The following COL4A2 variants were observed in gnomAD, a reference collection of about 807,000 sequenced individuals.
COL4A2 encodes collagen alpha-2(IV) chain.
In COL4A2, 99 loss-of-function variants were observed where a neutral mutation model predicts 200.2. That is an observed-to-expected ratio of 0.49 (90% CI 0.42 to 0.58). COL4A2 has a LOEUF of 0.58. Ranked by LOEUF, COL4A2 falls within the 20% of genes least tolerant of loss-of-function variation. The pLI is 0.00. For missense variants in COL4A2, 1,950 were observed against 2,314.1 expected, an observed-to-expected ratio of 0.84 and a Z score of 3.23; for synonymous variants, 897 against 900.6, an observed-to-expected ratio of 1.00 and a Z score of 0.07.
intron 4 of COL4A2, among the ~76,000 whole-genome samples, chr13:110,377,558 A>G (rs1194791649): frequency 1.3e-5 from 2 of 152,284 alleles, no homozygotes; most frequent in African/African-American, 4.8e-5. Context: ...TGGGCTTTCC[A>G]TGGGGAATCA....
intron 47 of COL4A2, among the ~76,000 whole-genome samples, chr13:110,510,508 C>CA (rs11428595): frequency 0.97 from 148,322 of 152,334 alleles, 72,321 homozygotes; most frequent in East Asian, 1. Context: ...CTATGAGTAC[C>CA]AAGCCAGAGG....
intron 4 of COL4A2, among the ~76,000 whole-genome samples, chr13:110,391,136 T>G (rs2139422124): frequency 6.6e-6 from 1 of 152,386 alleles, no homozygotes; most frequent in Non-Finnish European, 1.5e-5. Context: ...TCTTTGGTTT[T>G]GTTTCTAGAA....
intron 4 of COL4A2, among the ~76,000 whole-genome samples, chr13:110,404,992 G>A (rs186521834): frequency 3.8e-4 from 58 of 152,340 alleles, no homozygotes; most frequent in African/African-American, 1.1e-3. Flanking sequence ...GTGCATGCCT[G>A]TAGTCTCAGC....
chr13:110,464,860 T>TC (rs1339490868), intron 24 of COL4A2, among the ~76,000 whole-genome samples: 2 of 150,880 alleles, frequency 1.3e-5, no homozygotes, highest in East Asian at 1.9e-4. Flanking sequence ...TCCCACCAGC[T>TC]CCCCCCCGCA....
intron 4 of COL4A2, among the ~76,000 whole-genome samples, chr13:110,407,132 A>T (rs917883142): frequency 5.9e-5 from 9 of 152,314 alleles, no homozygotes; most frequent in African/African-American, 1.9e-4. Flanking sequence ...CAAATAATTG[A>T]TATTTACTTG....
intron 33 of COL4A2, 33 bp downstream of exon 33, chr13:110,485,060 A>T: frequency 1.3e-6 from 2 of 1,539,462 alleles, no homozygotes; most frequent in Non-Finnish European, 1.8e-6. Context: ...AGGGGCCCCT[A>T]GTCCCTGCCG....
intron 3 of COL4A2, among the ~76,000 whole-genome samples, chr13:110,350,065 A>G (rs969600249): frequency 6.6e-6 from 1 of 152,172 alleles, no homozygotes; most frequent in African/African-American, 2.4e-5. Flanking sequence ...ACCCAGCCCA[A>G]TTTCCACATC....
At chr13:110,469,976 A>ACG (rs1465718620) in intron 28 of COL4A2, among the ~76,000 whole-genome samples, 3 of 136,260 alleles carry the variant, frequency 2.2e-5, no homozygotes, top group Non-Finnish European at 4.6e-5. Context: ...GTGCAGTGGC[A>ACG]CAATCTCAGC....
chr13:110,326,132 C>T (rs1248417462), intron 3 of COL4A2, among the ~76,000 whole-genome samples: 1 of 152,162 alleles, frequency 6.6e-6, no homozygotes, highest in Non-Finnish European at 1.5e-5. Flanking sequence ...ATGGCACCTG[C>T]CCTTCGCCCA....
chr13:110,504,124 T>C (rs1333440506), intron 44 of COL4A2, 24 bp from the exon 45 acceptor site: 8 of 1,610,354 alleles, frequency 5.0e-6, no homozygotes, highest in South Asian at 1.1e-5. Context: ...TTTCCAGCCA[T>C]AACGCTTCTT....
chr13:110,370,226 G>A (rs1566497327), intron 4 of COL4A2, among the ~76,000 whole-genome samples: 1 of 145,408 alleles, frequency 6.9e-6, no homozygotes, highest in Non-Finnish European at 1.5e-5. Flanking sequence ...AAAAAAACAA[G>A]GGTTTTTTTT....
At chr13:110,332,943 T>C (rs1225984303) in intron 3 of COL4A2, among the ~76,000 whole-genome samples, 1 of 152,204 alleles carries the variant, frequency 6.6e-6, no homozygotes, top group African/African-American at 2.4e-5. Flanking sequence ...GCTATGTAAG[T>C]TGTATCTCTG....
At chr13:110,386,982 GTAA>G (rs1438238844) in intron 4 of COL4A2, among the ~76,000 whole-genome samples, 1 of 152,196 alleles carries the variant, frequency 6.6e-6, no homozygotes, top group Non-Finnish European at 1.5e-5. Context: ...GCTCATACCT[GTAA>G]TCCCATTACT....
intron 30 of COL4A2, among the ~76,000 whole-genome samples, chr13:110,478,672 G>T: frequency 6.6e-6 from 1 of 152,332 alleles, no homozygotes; most frequent in Admixed American, 6.5e-5. Context: ...TGCCCAGGCC[G>T]CTCTCCCACA....
intron 32 of COL4A2, among the ~76,000 whole-genome samples, chr13:110,482,988 A>G (rs1882985775): frequency 6.6e-6 from 1 of 152,200 alleles, no homozygotes; most frequent in African/African-American, 2.4e-5. Flanking sequence ...GGTGAAAAGC[A>G]GGGGACAGGT....
At chr13:110,507,633 A>G (rs1594117630) in intron 46 of COL4A2, 1 of 482,258 alleles carries the variant, frequency 2.1e-6, no homozygotes, top group East Asian at 3.6e-5. Context: ...AGACCCCACT[A>G]AGGTAAGGCT....
chr13:110,477,939 A>C, intron 29 of COL4A2, 64 bp from the exon 30 acceptor site: 2 of 1,349,136 alleles, frequency 1.5e-6, no homozygotes, highest in Non-Finnish European at 1.9e-6. Context: ...GTGTGGAGGG[A>C]GATGCTGTCT....
At chr13:110,356,534 C>T (rs1459253312) in intron 3 of COL4A2, among the ~76,000 whole-genome samples, 1 of 152,196 alleles carries the variant, frequency 6.6e-6, no homozygotes, top group Non-Finnish European at 1.5e-5. Context: ...CTCCTCCCCT[C>T]CGTGGTGGCC....
rs1457697105 is a variant in COL4A2 at position 110,508,491 on chromosome 13, G to C, written c.4881+270G>C. ...GAGTGTAACCAGGACGAACTTGCCTGTTATCCGTCTTACTAGGTACAACAC... is the reference window on the plus strand; with the variant it reads ...GAGTGTAACCAGGACGAACTTGCCTCTTATCCGTCTTACTAGGTACAACAC... On this transcript the variant is annotated intron_variant, in intron 47 of 47. Transcript: ENST00000360467. This position sits in a 1 kb window ranked among gnomAD's most constrained non-coding sequence, Gnocchi z 6.1. 6.6e-6 allele frequency among the ~76,000 whole-genome samples: 1 copy of C among 152,214 alleles called. No individual in the cohort carries two copies. Among genetic ancestry groups the C allele is most frequent in the Non-Finnish European group, 1.5e-5 (1 of 68,044 alleles).
Sources: gnomAD v4.1 joint callset for allele counts (sites outside exome capture counted in the v4.1 genomes callset) on GRCh38, gnomAD v4.1.1 for gene constraint, Gnocchi (gnomAD v3.1) non-coding constraint, MANE v1.5 for transcripts, NCBI Gene and HGNC (gene_info 2026-07-23, HGNC 2026-07-21) for gene names.